TRPV4: variants seen among roughly 807,000 people sequenced by gnomAD.
The protein encoded by TRPV4 is OSM9-like transient receptor potential channel 4.
TRPV4 carries 58 observed loss-of-function variants against 84.1 expected under a neutral mutation model. The observed-to-expected ratio is 0.69, with a 90% confidence interval of 0.56 to 0.86. The LOEUF (loss-of-function observed/expected upper bound fraction) is 0.86. TRPV4 is among the 40% of genes least tolerant of loss of function. TRPV4 has a pLI of 0.00. For synonymous variants in TRPV4, 489 were observed against 500.9 expected, an observed-to-expected ratio of 0.98 and a Z score of 0.32; for missense variants, 879 against 1,181.1, an observed-to-expected ratio of 0.74 and a Z score of 3.75.
At position 109,794,050 on chromosome 12, in the gene TRPV4, G is replaced by A. The variant is rs375856858; in HGVS notation, c.1492-28C>T. The stretch of plus-strand genomic sequence containing the variant: ...GGGGAGCAGCAAGGGCACACAGGTC[G>A]TCACCCAGCCCCTCCAACATCTGGC... On this transcript the variant is annotated intron_variant, in intron 8 of 15. Transcript: ENST00000261740. 1.2e-3 allele frequency: 1,941 copies of A among 1,566,790 alleles called. 3 individuals carry two copies. The highest frequency in any genetic ancestry group is 1.6e-3 in the Non-Finnish European group (1,792 of 1,150,348).
Position 109,783,862 on chromosome 12 carries a change from C to T in TRPV4, c.2459-84G>A. 1.3e-6 allele frequency: 2 copies of T among 1,503,718 alleles called. No individual in the cohort carries two copies. The highest frequency in any genetic ancestry group is 9.1e-7 in the Non-Finnish European group (1 of 1,100,638). The allele number at this position is 1,503,718 out of a possible 1,614,324, so 93.1% of individuals were successfully genotyped here. On this transcript the variant is annotated intron_variant, in intron 15 of 15. Coordinates refer to ENST00000261740, the MANE Select transcript of TRPV4 (RefSeq NM_021625.5). The surrounding 1 kb of genome is among the most constrained non-coding windows in gnomAD (Gnocchi z 4.6). ...TATTGAGTGCCTACTGTGTACTGGG[C>T]ACTCCACAGTGTTCTGAAGGGGGGA... is the stretch of plus-strand genomic sequence containing the variant.
chr12:109,795,721 A>G (rs10774900), intron 7 of TRPV4, among the ~76,000 whole-genome samples: 53,198 of 151,830 alleles, frequency 0.35, 9,978 homozygotes, highest in East Asian at 0.75. Context: ...CTAAGTAGGG[A>G]AAAAAAAGCT....
chr12:109,829,028 C>A (rs561299941), intron 1 of TRPV4, among the ~76,000 whole-genome samples: 1 of 151,102 alleles, frequency 6.6e-6, no homozygotes, highest in Non-Finnish European at 1.5e-5. Context: ...TGAAAAAAAC[C>A]TTTTTTTTTA....
rs748272542 is a variant in TRPV4, at chr12:109,800,619, A to G, written c.852T>C (p.Phe284=). The G allele has an allele frequency of 6.8e-6, 11 of 1,613,894 alleles. No individual in the cohort carries two copies. In the South Asian group the frequency reaches 1.2e-4, roughly 18 times the overall value. ...AGCCCCCACCAGGCCCCTCCTTACC[A>G]AAGTAGAAGTAGCCCCCCTCATCCT... ...QPKDEGGYFY[F]GELPLSLAAC... is the part of the protein sequence containing the mutation. Residue 284 remains phenylalanine, a splice_region_variant and synonymous_variant, in exon 5 of 16, where the codon TTT becomes TTC. Coordinates refer to ENST00000261740, the MANE Select transcript of TRPV4 (RefSeq NM_021625.5).
chr12:109,796,347 C>A lies in TRPV4; in HGVS notation c.1332+178G>T, dbSNP rs150305077. 6.6e-6 allele frequency among the ~76,000 whole-genome samples: 1 copy of A among 152,328 alleles called. No homozygotes were observed. The highest frequency in any genetic ancestry group is 1.5e-5 in the Non-Finnish European group (1 of 68,032). On this transcript the variant is annotated intron_variant, in intron 7 of 15. Coordinates refer to ENST00000261740, the MANE Select transcript of TRPV4 (RefSeq NM_021625.5). The surrounding 1 kb of genome is among the most constrained non-coding windows in gnomAD (Gnocchi z 4.2). ...CCCACAAGTCTTGCTCATTTCCTCA[C>A]ATGGCAGACACTGTTCTGGGCACTT...
rs1019564643 is a variant in TRPV4, at chr12:109,800,822, G to A, written c.713-64C>T. On this transcript the variant is annotated intron_variant, in intron 4 of 15. Transcript: ENST00000261740. ...CAGAGACCTAGCCAGGCTTGCTGGG[G>A]GTGGGGGTAGGGTGCAGGACGTAGA... 11 of 1,562,522 alleles carry A rather than the reference G, an allele frequency of 7.0e-6. 1 individual carries two copies. In the South Asian group the frequency reaches 8.9e-5, roughly 13 times the overall value.
At chr12:109,806,873 G>GAA (rs533116934) in intron 3 of TRPV4, among the ~76,000 whole-genome samples, 2 of 93,716 alleles carry the variant, frequency 2.1e-5, no homozygotes, top group Non-Finnish European at 4.3e-5. Context: ...AAAAAAAAAA[G>GAA]AAAAAAAAAA....
chr12:109,803,414 T>A (rs1890933812), intron 3 of TRPV4, among the ~76,000 whole-genome samples: 1 of 152,196 alleles, frequency 6.6e-6, no homozygotes, highest in South Asian at 2.1e-4. Flanking sequence ...ATTTAATTAA[T>A]CTTATTTGGG....
At position 109,798,386 on chromosome 12, in the gene TRPV4, C is replaced by T. The variant is rs982027841; in HGVS notation, c.1152+228G>A. Among the ~76,000 whole-genome samples, 4 of 152,162 alleles carry T rather than the reference C, an allele frequency of 2.6e-5. No individual in the cohort carries two copies. Among genetic ancestry groups the T allele is most frequent in the Non-Finnish European group, 5.9e-5 (4 of 68,036 alleles). ...TGGCTGGTGGGGGTGGAGTGGTGAA[C>T]ATCCAGTAGGGTGACATGAGGCGAG... On this transcript the variant is annotated intron_variant, in intron 6 of 15. Coordinates refer to ENST00000261740, the MANE Select transcript of TRPV4 (RefSeq NM_021625.5). This position sits in a 1 kb window ranked among gnomAD's most constrained non-coding sequence, Gnocchi z 5.0.
rs367978761 is a variant in TRPV4 at position 109,783,789 on chromosome 12, A to G, written c.2459-11T>C. 6 of 1,609,602 alleles carry G rather than the reference A, an allele frequency of 3.7e-6. No individual in the cohort carries two copies. The highest frequency in any genetic ancestry group is 5.1e-6 in the Non-Finnish European group (6 of 1,179,658). ...CCGAGGACCAGCGATCTGCACCGAG[A>G]GCACATCAGAGGGAGGGGTGGGGGT... is the stretch of plus-strand genomic sequence containing the variant. On this transcript the variant is annotated splice_polypyrimidine_tract_variant and intron_variant, in intron 15 of 15. Transcript: ENST00000261740. This position sits in a 1 kb window ranked among gnomAD's most constrained non-coding sequence, Gnocchi z 4.6.
Position 109,814,391 on chromosome 12 carries a change from A to G in TRPV4, c.386+20T>C. The G allele has an allele frequency of 6.2e-7, 1 of 1,613,022 alleles. No individual in the cohort carries two copies. The highest frequency in any genetic ancestry group is 8.5e-7 in the Non-Finnish European group (1 of 1,179,674). On this transcript the variant is annotated intron_variant, in intron 2 of 15. Coordinates refer to ENST00000261740, the MANE Select transcript of TRPV4 (RefSeq NM_021625.5). The surrounding 1 kb of genome is among the most constrained non-coding windows in gnomAD (Gnocchi z 5.4). ...GATACAGAGGAGGAGACCACAGGCC[A>G]GGAAGCTAACAATACTCACTCTATG...
intron 3 of TRPV4, among the ~76,000 whole-genome samples, chr12:109,807,088 C>T (rs1326021930): frequency 6.6e-6 from 1 of 151,944 alleles, no homozygotes; most frequent in Non-Finnish European, 1.5e-5. Context: ...ACCAACCTGA[C>T]CAACATGGAG....
chr12:109,830,577 G>A (rs1335701905), intron 1 of TRPV4, among the ~76,000 whole-genome samples: 5 of 152,136 alleles, frequency 3.3e-5, no homozygotes, highest in African/African-American at 9.7e-5. Context: ...CATTCCAGAG[G>A]GCCCACTGGC....
chr12:109,830,604 C>A (rs1456345870), intron 1 of TRPV4, among the ~76,000 whole-genome samples: 1 of 152,178 alleles, frequency 6.6e-6, no homozygotes, highest in Non-Finnish European at 1.5e-5. Flanking sequence ...TAAATGTTAT[C>A]TTGGCTCCCC....
rs1889453873 is a variant in TRPV4 at position 109,783,346 on chromosome 12, A to G, written c.*275T>C. The G allele has an allele frequency of 4.4e-6, 2 of 450,462 alleles. No homozygotes were observed. Among genetic ancestry groups the G allele is most frequent in the South Asian group, 8.2e-5 (2 of 24,396 alleles). 27.9% of individuals were successfully genotyped at this position (450,462 alleles called of 1,614,324 possible). On this transcript the variant is annotated 3_prime_UTR_variant, in exon 16 of 16. Coordinates refer to ENST00000261740, the MANE Select transcript of TRPV4 (RefSeq NM_021625.5). The surrounding 1 kb of genome is among the most constrained non-coding windows in gnomAD (Gnocchi z 4.6). ...CGCTTCCTGAGAGCAGAGCAAATAA[A>G]TAATGGAGAGGCAGGGGCTGGGGCC...
At chr12:109,805,959 G>A (rs73409822) in intron 3 of TRPV4, among the ~76,000 whole-genome samples, 11,119 of 152,244 alleles carry the variant, frequency 0.073, 462 homozygotes, top group Middle Eastern at 0.11. Context: ...CCCAGGATTC[G>A]CTCTACCCCA....
rs143671832 is a variant in TRPV4, at chr12:109,830,499, C to T, written c.-32+2851G>A. ...TTGTACCCAGAGTTCATAACAGCAG[C>T]CACTTATCTCAAGAGATCGGAATTA... On this transcript the variant is annotated intron_variant, in intron 1 of 15. Transcript: ENST00000261740. Among the ~76,000 whole-genome samples the T allele has an allele frequency of 1.5e-3, 232 of 152,320 alleles. 1 individual carries two copies. The highest frequency in any genetic ancestry group is 5.2e-3 in the African/African-American group (215 of 41,570).
At chr12:109,816,766 A>G (rs1267962481) in intron 1 of TRPV4, among the ~76,000 whole-genome samples, 2 of 152,310 alleles carry the variant, frequency 1.3e-5, no homozygotes, top group South Asian at 2.1e-4. Context: ...CAACAGAGCA[A>G]GACTCTATCT....
intron 2 of TRPV4, among the ~76,000 whole-genome samples, chr12:109,812,235 C>T (rs1000481856): frequency 2.6e-5 from 4 of 152,292 alleles, no homozygotes; most frequent in Non-Finnish European, 4.4e-5. Flanking sequence ...ACAAGGTGGT[C>T]AAGGGGGCTG....
Sources: gnomAD v4.1 joint callset for allele counts (sites outside exome capture counted in the v4.1 genomes callset) on GRCh38, gnomAD v4.1.1 for gene constraint, Gnocchi (gnomAD v3.1) non-coding constraint, MANE v1.5 for transcripts, NCBI Gene and HGNC (gene_info 2026-07-23, HGNC 2026-07-21) for gene names.